The following FBXL7 variants were observed in gnomAD, a reference collection of about 807,000 sequenced individuals.
FBXL7 encodes F-box/LRR-repeat protein 7.
FBXL7 carries 12 observed loss-of-function variants against 38.3 expected under a neutral mutation model. The ratio of observed to expected loss-of-function variants is 0.31; its 90% CI spans 0.20 to 0.51. The LOEUF is 0.51. Among genes scored for constraint, FBXL7 ranks in the 20% least tolerant of loss-of-function variants. The pLI is 0.98. For missense variants in FBXL7, 567 were observed against 676.4 expected, an observed-to-expected ratio of 0.84 and a Z score of 1.79; for synonymous variants, 297 against 300.9, an observed-to-expected ratio of 0.99 and a Z score of 0.13.
chr5:15,524,093 T>C (rs1444113812), intron 1 of FBXL7, among the ~76,000 whole-genome samples: 1 of 152,204 alleles, frequency 6.6e-6, no homozygotes, highest in East Asian at 1.9e-4. Flanking sequence ...AATAAGGACA[T>C]AAAATGCCAC....
At chr5:15,536,208 C>CG (rs1737577866) in intron 1 of FBXL7, among the ~76,000 whole-genome samples, 2 of 152,222 alleles carry the variant, frequency 1.3e-5, no homozygotes, top group African/African-American at 4.8e-5. Context: ...GGAGCCCTCA[C>CG]GGAGAGCCTC....
rs555923305 is a variant in FBXL7, at chr5:15,673,452, A to G, written c.127+57380A>G. On this transcript the variant is annotated intron_variant, in intron 2 of 3. Transcript: ENST00000504595. Reference sequence around the variant, plus strand: ...AGGTCATCTAGTAGTAGTTGCTACAATAAGGTTTTGGAATTGAGTCTTGGT... The same window carrying G: ...AGGTCATCTAGTAGTAGTTGCTACAGTAAGGTTTTGGAATTGAGTCTTGGT... 9.2e-5 allele frequency among the ~76,000 whole-genome samples: 14 copies of G among 152,310 alleles called. No homozygotes were observed. The South Asian group carries it at 1.0e-3, about 11-fold the overall frequency.
chr5:15,879,493 T>A (rs1238200678), intron 2 of FBXL7, among the ~76,000 whole-genome samples: 1 of 152,162 alleles, frequency 6.6e-6, no homozygotes, highest in African/African-American at 2.4e-5. Flanking sequence ...GGCTTTCACA[T>A]GAGCAGTTTC....
At chr5:15,713,738 A>G (rs1174032052) in intron 2 of FBXL7, among the ~76,000 whole-genome samples, 1 of 152,206 alleles carries the variant, frequency 6.6e-6, no homozygotes, top group Admixed American at 6.5e-5. Context: ...AGAAATTAAC[A>G]TTTCTTAATT....
chr5:15,793,164 C>T (rs990866582), intron 2 of FBXL7, among the ~76,000 whole-genome samples: 1 of 152,128 alleles, frequency 6.6e-6, no homozygotes, highest in Non-Finnish European at 1.5e-5. Flanking sequence ...AGTCCTGGAT[C>T]CCCAAGTGAG....
At chr5:15,884,944 T>C (rs926219139) in intron 2 of FBXL7, among the ~76,000 whole-genome samples, 1 of 152,234 alleles carries the variant, frequency 6.6e-6, no homozygotes, top group Non-Finnish European at 1.5e-5. Flanking sequence ...TCTAGTTTGA[T>C]GTATTGGCTA....
intron 2 of FBXL7, among the ~76,000 whole-genome samples, chr5:15,801,752 G>A (rs1243146306): frequency 6.6e-6 from 1 of 151,388 alleles, no homozygotes; most frequent in African/African-American, 2.4e-5. Flanking sequence ...TTCTCTGAAA[G>A]TGTCTTTCAT....
chr5:15,728,839 G>T (rs910076545), intron 2 of FBXL7, among the ~76,000 whole-genome samples: 2 of 152,094 alleles, frequency 1.3e-5, no homozygotes, highest in Non-Finnish European at 2.9e-5. Flanking sequence ...TTTGTGAAAC[G>T]TGGATGTAAA....
At chr5:15,799,927 G>GC (rs1737517651) in intron 2 of FBXL7, among the ~76,000 whole-genome samples, 1 of 151,188 alleles carries the variant, frequency 6.6e-6, no homozygotes, top group Non-Finnish European at 1.5e-5. Flanking sequence ...GTCATAAAGT[G>GC]TTTTTTTTTA....
chr5:15,783,981 C>G (rs1737069301), intron 2 of FBXL7, among the ~76,000 whole-genome samples: 1 of 152,138 alleles, frequency 6.6e-6, no homozygotes, highest in South Asian at 2.1e-4. Flanking sequence ...AGTTTCCTAT[C>G]AGCAGGTGAG....
intron 1 of FBXL7, among the ~76,000 whole-genome samples, chr5:15,598,323 T>C (rs969358607): frequency 6.6e-6 from 1 of 152,206 alleles, no homozygotes; most frequent in Non-Finnish European, 1.5e-5. Flanking sequence ...AAATTATTAC[T>C]TTATACTTAT....
chr5:15,747,911 A>G (rs554721805), intron 2 of FBXL7, among the ~76,000 whole-genome samples: 5 of 152,360 alleles, frequency 3.3e-5, no homozygotes, highest in South Asian at 4.1e-4. Flanking sequence ...ATGAAGGCCC[A>G]TTCTAATACT....
chr5:15,892,897 C>T (rs1740961892), intron 2 of FBXL7, among the ~76,000 whole-genome samples: 1 of 152,130 alleles, frequency 6.6e-6, no homozygotes, highest in Non-Finnish European at 1.5e-5. Flanking sequence ...GGGGGCGGAT[C>T]ACGAGGTCAG....
rs371151242 is a variant in FBXL7, at chr5:15,938,840, G to A, written c.*1654G>A. On this transcript the variant is annotated 3_prime_UTR_variant, in exon 4 of 4. Transcript: ENST00000504595. ...AAGAAATTCCATTGCTGGTTTTCAC[G>A]AAATTCACTTGTCTTTTGCTAATAA... 4 of 396,580 alleles carry A rather than the reference G, an allele frequency of 1.0e-5. No homozygotes were observed. The highest frequency in any genetic ancestry group is 1.3e-5 in the Non-Finnish European group (3 of 225,290). The allele number at this position is 396,580 out of a possible 1,614,324, so 24.6% of individuals were successfully genotyped here. A position where few individuals can be genotyped will look rare whatever the true frequency, so the allele number is the denominator to read the frequency against.
chr5:15,701,510 C>T (rs1397841844), intron 2 of FBXL7, among the ~76,000 whole-genome samples: 1 of 152,072 alleles, frequency 6.6e-6, no homozygotes, highest in African/African-American at 2.4e-5. Context: ...CATTTGTGTA[C>T]TATTTAATTA....
chr5:15,595,117 G>A (rs779341875), intron 1 of FBXL7, among the ~76,000 whole-genome samples: 1 of 152,182 alleles, frequency 6.6e-6, no homozygotes, highest in Non-Finnish European at 1.5e-5. Context: ...CCCAGGGCAT[G>A]TAAGAAGATA....
intron 2 of FBXL7, among the ~76,000 whole-genome samples, chr5:15,742,690 A>T (rs1296021063): frequency 1.3e-5 from 2 of 152,154 alleles, no homozygotes; most frequent in Admixed American, 1.3e-4. Context: ...ATTCCTTTCA[A>T]TCTTATATAT....
chr5:15,569,724 G>A (rs912450960), intron 1 of FBXL7, among the ~76,000 whole-genome samples: 1 of 152,084 alleles, frequency 6.6e-6, no homozygotes, highest in African/African-American at 2.4e-5. Flanking sequence ...ATTGGTTGTG[G>A]GTTTGTCATA....
At chr5:15,856,405 AAGGTGGG>A (rs951045835) in intron 2 of FBXL7, among the ~76,000 whole-genome samples, 1 of 152,050 alleles carries the variant, frequency 6.6e-6, no homozygotes, top group African/African-American at 2.4e-5. Context: ...CAGAGGGTGG[AAGGTGGG>A]AGGTGGGAGA....
Sources: gnomAD v4.1 joint callset for allele counts (sites outside exome capture counted in the v4.1 genomes callset) on GRCh38, gnomAD v4.1.1 for gene constraint, MANE v1.5 for transcripts, NCBI Gene and HGNC (gene_info 2026-07-23, HGNC 2026-07-21) for gene names.